Variants in CHUK observed in about 807,000 individuals in gnomAD.
CHUK encodes inhibitor of nuclear factor kappa-B kinase subunit alpha.
CHUK carries 35 observed loss-of-function variants against 104.8 expected under a neutral mutation model. That is an observed-to-expected ratio of 0.33 (90% CI 0.26 to 0.44). The LOEUF is 0.44. CHUK is among the 20% of genes least tolerant of loss of function. The pLI, the probability that CHUK is intolerant of heterozygous loss-of-function variation, is 1.00. For missense variants in CHUK, 663 were observed against 902.7 expected (o/e 0.73, Z 3.40); for synonymous variants, 276 against 291.9 (o/e 0.95, Z 0.56).
At chr10:100,217,628 C>G (rs1248939960) in intron 9 of CHUK, among the ~76,000 whole-genome samples, 2 of 152,166 alleles carry the variant, frequency 1.3e-5, no homozygotes, top group Non-Finnish European at 2.9e-5. Flanking sequence ...GCCTGTAATC[C>G]CACTTTGGGA....
intron 16 of CHUK, 138 bp from the exon 17 acceptor site, chr10:100,194,659 G>A: frequency 8.3e-6 from 5 of 603,556 alleles, no homozygotes; most frequent in South Asian, 7.7e-5. Flanking sequence ...TAAAAATTGG[G>A]TTAAGATAAA....
chr10:100,205,596 A>T (rs1471455458), intron 11 of CHUK, among the ~76,000 whole-genome samples: 1 of 152,196 alleles, frequency 6.6e-6, no homozygotes, highest in Non-Finnish European at 1.5e-5. Context: ...CCTCTGAATA[A>T]TAAATTTCAT....
intron 10 of CHUK, among the ~76,000 whole-genome samples, chr10:100,209,097 T>C (rs1369891803): frequency 3.3e-5 from 5 of 152,342 alleles, no homozygotes; most frequent in African/African-American, 9.6e-5. Context: ...TCCAGAGGAA[T>C]GTCTTCAAGA....
chr10:100,218,939 G>T, intron 7 of CHUK, 69 bp downstream of exon 7: 1 of 1,550,692 alleles, frequency 6.4e-7, no homozygotes, highest in Non-Finnish European at 8.9e-7. Flanking sequence ...ATTAAAGAAA[G>T]AAAAAAAAAG....
chr10:100,190,059 T>C lies in CHUK; in HGVS notation c.2209-432A>G, dbSNP rs146090317. Reference sequence around the variant, plus strand: ...TTTTCCCCGAGACAAAGTCTCACTCTGTCACAGGCTGGAGTGCAATGGCAG... The same window carrying C: ...TTTTCCCCGAGACAAAGTCTCACTCCGTCACAGGCTGGAGTGCAATGGCAG... On this transcript the variant is annotated intron_variant, in intron 20 of 20. Transcript: ENST00000370397. The C allele has an allele frequency of 7.6e-4, 122 of 160,212 alleles. 4 individuals are homozygous for C. In the East Asian group the frequency reaches 0.02, roughly 26 times the overall value. 9.9% of individuals were successfully genotyped at this position (160,212 alleles called of 1,614,324 possible).
At chr10:100,194,365 T>G in intron 17 of CHUK, 60 bp downstream of exon 17, 2 of 1,304,112 alleles carry the variant, frequency 1.5e-6, no homozygotes, top group Non-Finnish European at 2.2e-6. Context: ...TTTTGTACTT[T>G]GAGAGGAACA....
intron 18 of CHUK, 45 bp downstream of exon 18, chr10:100,193,939 T>G: frequency 6.4e-7 from 1 of 1,560,120 alleles, no homozygotes; most frequent in South Asian, 1.1e-5. Flanking sequence ...CAAGGAATAA[T>G]AGCAACTCAA....
chr10:100,193,524 C>T lies in CHUK; in HGVS notation c.1975-93G>A, dbSNP rs2274174. The T allele has an allele frequency of 0.021, 29,479 of 1,420,470 alleles. 463 individuals are homozygous for T. Among genetic ancestry groups the T allele is most frequent in the Middle Eastern group, 0.049 (271 of 5,500 alleles). The allele number at this position is 1,420,470 out of a possible 1,614,324, so 88.0% of individuals were successfully genotyped here. ...ATCATATTCCTAAGACTTACATTTCCGTTACTACTTATATGCACAACCAGA... is the reference window on the plus strand; with the variant it reads ...ATCATATTCCTAAGACTTACATTTCTGTTACTACTTATATGCACAACCAGA... On this transcript the variant is annotated intron_variant, in intron 18 of 20. Transcript: ENST00000370397.
intron 10 of CHUK, among the ~76,000 whole-genome samples, chr10:100,208,417 TTAACTGGGA>T: frequency 1.3e-5 from 2 of 151,996 alleles, no homozygotes; most frequent in Admixed American, 1.3e-4. Flanking sequence ...AGAAGGAATA[TTAACTGGGA>T]GTGTGGCAGG....
At chr10:100,220,162 T>G (rs1336855318) in intron 5 of CHUK, among the ~76,000 whole-genome samples, 1 of 152,138 alleles carries the variant, frequency 6.6e-6, no homozygotes, top group African/African-American at 2.4e-5. Flanking sequence ...TAAAAATATA[T>G]ATACTTTCTT....
chr10:100,225,924 T>A lies in CHUK; in HGVS notation c.199A>T (p.Lys67Ter). 1.9e-6 allele frequency: 3 copies of A among 1,572,830 alleles called. No homozygotes were observed. The highest frequency in any genetic ancestry group is 2.6e-6 in the Non-Finnish European group (3 of 1,142,554). ...ATGTAAGTCAAGGAATACACTTACT[T>A]CTTCATAATCTGGATTTCATGGCAC... The part of the protein sequence containing the change: ...RWCHEIQIMK[K>*]LNHANVVKAC... Residue 67 changes from lysine (K) to a stop codon, truncating the protein, a stop_gained and splice_region_variant, in exon 2 of 21, where the codon AAG becomes TAG. Coordinates refer to ENST00000370397, the MANE Select transcript of CHUK (RefSeq NM_001278.5). LOFTEE classifies it high-confidence loss of function.
chr10:100,193,701 A>G (rs989695276), intron 18 of CHUK: 88 of 593,952 alleles, frequency 1.5e-4, no homozygotes, highest in Middle Eastern at 4.5e-4. Flanking sequence ...TAGATGGTCA[A>G]TTTCATTATC....
In CHUK at chr10:100,220,584, C is replaced by T; in HGVS notation, c.474+4G>A. On this transcript the variant is annotated splice_donor_region_variant and intron_variant, in intron 5 of 20. Transcript: ENST00000370397. ...CATGAAACATTACTTCAGGTTTCAC[C>T]TACCTTTCCACCAACATCCTGAAGA... 1 of 1,596,138 alleles carries T rather than the reference C, an allele frequency of 6.3e-7. No individual in the cohort carries two copies. Among genetic ancestry groups the T allele is most frequent in the Non-Finnish European group, 8.6e-7 (1 of 1,163,980 alleles).
At chr10:100,207,200 A>T in intron 11 of CHUK, 30 bp downstream of exon 11, 1 of 973,818 alleles carries the variant, frequency 1.0e-6, no homozygotes, top group East Asian at 2.4e-5. Flanking sequence ...TTCATGTTTA[A>T]AGCTCAGCCA....
At chr10:100,200,585 C>A (rs1272794836) in intron 15 of CHUK, 86 bp downstream of exon 15, 2 of 768,482 alleles carry the variant, frequency 2.6e-6, no homozygotes, top group East Asian at 2.4e-5. Flanking sequence ...AGAAAAGAAC[C>A]ACTAGAGGTT....
At chr10:100,228,991 GCGCACACACACACA>G (rs1846169759) in intron 1 of CHUK, among the ~76,000 whole-genome samples, 2 of 114,914 alleles carry the variant, frequency 1.7e-5, no homozygotes, top group Non-Finnish European at 3.6e-5. Flanking sequence ...GCGCGCGCGC[GCGCACACACACACA>G]CACACACACA....
At chr10:100,220,528 T>C in intron 5 of CHUK, 60 bp downstream of exon 5, 1 of 1,167,912 alleles carries the variant, frequency 8.6e-7, no homozygotes, top group South Asian at 1.2e-5. Context: ...GCTCAAGGAC[T>C]AACTATATCA....
intron 18 of CHUK, 98 bp from the exon 19 acceptor site, chr10:100,193,529 C>G: frequency 2.9e-6 from 4 of 1,363,642 alleles, no homozygotes; most frequent in Non-Finnish European, 4.1e-6. Context: ...ATTTCCGTTA[C>G]TACTTATATG....
Position 100,225,952 on chromosome 10 carries a change from T to C in CHUK, c.171A>G (p.Arg57=). ...RLELSTKNRE[R]WCHEIQIMKK... ...TCATAATCTGGATTTCATGGCACCA[T>C]CGTTCTCTGTTTTTGGTACTTAGCT... Residue 57 remains arginine, a synonymous_variant, in exon 2 of 21, where the codon CGA becomes CGG. Transcript: ENST00000370397. The C allele has an allele frequency of 6.2e-7, 1 of 1,607,300 alleles. No individual in the cohort carries two copies. The highest frequency in any genetic ancestry group is 8.5e-7 in the Non-Finnish European group (1 of 1,173,904).
Sources: gnomAD v4.1 joint callset for allele counts (sites outside exome capture counted in the v4.1 genomes callset) on GRCh38, gnomAD v4.1.1 for gene constraint, MANE v1.5 for transcripts, NCBI Gene and HGNC (gene_info 2026-07-23, HGNC 2026-07-21) for gene names.